Variants in KDSR observed in about 807,000 individuals in gnomAD.
KDSR encodes 3-ketodihydrosphingosine reductase.
KDSR carries 23 observed loss-of-function variants against 41.3 expected under a neutral mutation model. The ratio of observed to expected loss-of-function variants is 0.56; its 90% CI spans 0.40 to 0.79. The LOEUF (loss-of-function observed/expected upper bound fraction) is 0.79. KDSR is among the 30% of genes least tolerant of loss of function. The pLI is 0.00. For synonymous variants in KDSR, 138 were observed against 151.7 expected, an observed-to-expected ratio of 0.91 and a Z score of 0.66; for missense variants, 351 against 416.8, an observed-to-expected ratio of 0.84 and a Z score of 1.37.
At chr18:63,337,172 A>G (rs919243801) in intron 8 of KDSR, among the ~76,000 whole-genome samples, 6 of 147,224 alleles carry the variant, frequency 4.1e-5, no homozygotes, top group Non-Finnish European at 3.0e-5. Flanking sequence ...CTGGAGCACA[A>G]TGGCTCAATC....
rs1380083597 is a variant in KDSR at position 63,332,826 on chromosome 18, C to T, written c.880-925G>A. ...CAGCCTGGGTGACAGAGCAAGACTC[C>T]GTCTCAAAAAAAAAAAAAAAAAAAA... On this transcript the variant is annotated intron_variant, in intron 9 of 9. Coordinates refer to ENST00000645214, the MANE Select transcript of KDSR (RefSeq NM_002035.4). Among the ~76,000 whole-genome samples the T allele has an allele frequency of 5.7e-5, 7 of 122,534 alleles. 1 individual carries two copies. The highest frequency in any genetic ancestry group is 2.3e-4 in the East Asian group (1 of 4,442). The allele number at this position is 122,534 out of a possible 152,430, so 80.4% of individuals were successfully genotyped here.
At chr18:63,339,988 G>C (rs1432418287) in intron 7 of KDSR, among the ~76,000 whole-genome samples, 5 of 152,188 alleles carry the variant, frequency 3.3e-5, no homozygotes, top group Admixed American at 3.3e-4. Flanking sequence ...TAAGAGAAAG[G>C]CTGTTTTGAA....
At chr18:63,354,888 T>C (rs1473872140) in intron 5 of KDSR, among the ~76,000 whole-genome samples, 1 of 152,230 alleles carries the variant, frequency 6.6e-6, no homozygotes, top group Non-Finnish European at 1.5e-5. Flanking sequence ...ATCCGGCATC[T>C]CTTAGGTTAC....
At chr18:63,362,203 T>C (rs1915009283) in intron 2 of KDSR, among the ~76,000 whole-genome samples, 1 of 152,264 alleles carries the variant, frequency 6.6e-6, no homozygotes, top group East Asian at 1.9e-4. Flanking sequence ...TGTCACTGCT[T>C]TGTGCTCTAA....
intron 5 of KDSR, among the ~76,000 whole-genome samples, 166 bp downstream of exon 5, chr18:63,355,038 A>G (rs1914757683): frequency 1.3e-5 from 2 of 152,222 alleles, no homozygotes; most frequent in Non-Finnish European, 2.9e-5. Flanking sequence ...TGACACTGGG[A>G]TGAAAACCTT....
rs184393128 is a variant in KDSR at position 63,364,254 on chromosome 18, C to A, written c.109-1386G>T. On this transcript the variant is annotated intron_variant, in intron 1 of 9. Transcript: ENST00000645214. ...CACTGTATTTCTTCTTTATGACATG[C>A]ACATAATAAACAGCTCTAGATTTAT... is the stretch of plus-strand genomic sequence containing the variant. 1.6e-3 allele frequency among the ~76,000 whole-genome samples: 243 copies of A among 151,976 alleles called. 3 individuals are homozygous for A. Among genetic ancestry groups the A allele is most frequent in the African/African-American group, 5.5e-3 (225 of 41,280 alleles).
chr18:63,337,883 G>A (rs924482818), intron 8 of KDSR, among the ~76,000 whole-genome samples: 15 of 152,266 alleles, frequency 9.9e-5, no homozygotes, highest in African/African-American at 1.7e-4. Context: ...AGCCAAGATC[G>A]TGCCACTGCA....
intron 9 of KDSR, among the ~76,000 whole-genome samples, chr18:63,332,925 G>A (rs1914052166): frequency 6.6e-6 from 1 of 151,506 alleles, no homozygotes; most frequent in Non-Finnish European, 1.5e-5. Context: ...GGATCTTCCG[G>A]AAAAAACAAT....
chr18:63,338,748 G>T, intron 8 of KDSR, 52 bp downstream of exon 8: 1 of 1,160,894 alleles, frequency 8.6e-7, no homozygotes, highest in Non-Finnish European at 1.3e-6. Flanking sequence ...TATCTTTTCA[G>T]AAATATAGTA....
rs959256437 is a variant in KDSR at position 63,335,372 on chromosome 18, A to G, written c.778-14T>C. 1 of 1,559,306 alleles carries G rather than the reference A, an allele frequency of 6.4e-7. No homozygotes were observed. Among genetic ancestry groups the G allele is most frequent in the South Asian group, 1.1e-5 (1 of 89,894 alleles). On this transcript the variant is annotated splice_polypyrimidine_tract_variant and intron_variant, in intron 8 of 9. Transcript: ENST00000645214. ...GAAATTTCCTTGCTAAAAGAGAAGA[A>G]AAAGAAGAGAAAGAGGGAATCCTAG... is the stretch of plus-strand genomic sequence containing the variant.
Position 63,367,197 on chromosome 18 carries a change from C to T in KDSR, c.-79G>A. ...CGCGCAGGGCTGGGCTGCGGCGAGGCGAGAATCACGCGCGGCGGGCGGGCG... is the reference window on the plus strand; with the variant it reads ...CGCGCAGGGCTGGGCTGCGGCGAGGTGAGAATCACGCGCGGCGGGCGGGCG... On this transcript the variant is annotated 5_prime_UTR_variant, in exon 1 of 10. Coordinates refer to ENST00000645214, the MANE Select transcript of KDSR (RefSeq NM_002035.4). 1 of 675,298 alleles carries T rather than the reference C, an allele frequency of 1.5e-6. No individual in the cohort carries two copies. 41.8% of individuals were successfully genotyped at this position (675,298 alleles called of 1,614,324 possible).
intron 7 of KDSR, among the ~76,000 whole-genome samples, chr18:63,341,474 A>T (rs529116166): frequency 1.5e-5 from 2 of 136,170 alleles, no homozygotes; most frequent in South Asian, 2.2e-4. Flanking sequence ...CCAAGAGATT[A>T]AAAAAAAAAA....
At chr18:63,345,244 CTCTAAA>C (rs1376234165) in intron 6 of KDSR, 1 of 152,368 alleles carries the variant, frequency 6.6e-6, no homozygotes, top group Non-Finnish European at 1.5e-5. Context: ...TATGTGGCTC[CTCTAAA>C]TCTGACACTT....
rs1304163903 is a variant in KDSR at position 63,329,038 on chromosome 18, C to T, written c.*2744G>A. The T allele has an allele frequency of 1.5e-5, 3 of 196,822 alleles. No individual in the cohort carries two copies. Among genetic ancestry groups the T allele is most frequent in the East Asian group, 8.0e-5 (1 of 12,500 alleles). 12.2% of individuals were successfully genotyped at this position (196,822 alleles called of 1,614,324 possible). A position where few individuals can be genotyped will look rare whatever the true frequency, so the allele number is the denominator to read the frequency against. ...CTTTAAAAACAAAGTCATTAGTTTC[C>T]GTAACAATCACACTCAGGGTTGGTT... On this transcript the variant is annotated 3_prime_UTR_variant, in exon 10 of 10. Transcript: ENST00000645214.
At chr18:63,335,590 C>A (rs1262361810) in intron 8 of KDSR, 4 of 456,786 alleles carry the variant, frequency 8.8e-6, no homozygotes, top group Non-Finnish European at 1.6e-5. Context: ...GTCCTAATAA[C>A]ACTAAGACAT....
At chr18:63,354,573 C>T (rs1374016637) in intron 5 of KDSR, among the ~76,000 whole-genome samples, 1 of 151,930 alleles carries the variant, frequency 6.6e-6, no homozygotes, top group Non-Finnish European at 1.5e-5. Context: ...GAGGCTGAAG[C>T]AGGAGAATCA....
At chr18:63,361,593 G>C (rs1275884719) in intron 2 of KDSR, among the ~76,000 whole-genome samples, 1 of 151,796 alleles carries the variant, frequency 6.6e-6, no homozygotes, top group Non-Finnish European at 1.5e-5. Flanking sequence ...AAGGCGGGCG[G>C]ATCACAAGGT....
intron 2 of KDSR, 134 bp from the exon 3 acceptor site, chr18:63,359,926 A>G: frequency 1.5e-6 from 1 of 682,192 alleles, no homozygotes; most frequent in Admixed American, 2.1e-5. Flanking sequence ...CAGTATCTAC[A>G]TTGCATAGAC....
chr18:63,348,412 G>A (rs1034313844), intron 6 of KDSR, among the ~76,000 whole-genome samples: 2 of 151,688 alleles, frequency 1.3e-5, no homozygotes, highest in African/African-American at 4.8e-5. Context: ...AATTATCCAG[G>A]TTTCAAAAAA....
Sources: allele counts gnomAD v4.1 joint callset (sites outside exome capture counted in the v4.1 genomes callset), GRCh38; gene constraint gnomAD v4.1.1; transcripts MANE v1.5; gene names NCBI Gene and HGNC (gene_info 2026-07-23, HGNC 2026-07-21).